Variants in FBXO11 observed in about 807,000 individuals in gnomAD.
The protein encoded by FBXO11 is F-box protein 11.
A neutral mutation model predicts 117.0 loss-of-function variants in FBXO11; 13 were observed. The ratio of observed to expected loss-of-function variants is 0.11; its 90% CI spans 0.07 to 0.18. The LOEUF is 0.18. Among genes scored for constraint, FBXO11 ranks in the 10% least tolerant of loss-of-function variants. The pLI, the probability that FBXO11 is intolerant of heterozygous loss-of-function variation, is 1.00. For missense variants in FBXO11, 767 were observed against 1,164.4 expected (o/e 0.66, Z 4.97); for synonymous variants, 490 against 380.5 (o/e 1.29, Z -3.35).
intron 1 of FBXO11, among the ~76,000 whole-genome samples, chr2:47,863,048 T>A (rs1210675299): frequency 7.2e-6 from 1 of 139,592 alleles, no homozygotes; most frequent in African/African-American, 2.7e-5. Flanking sequence ...AGCGTAAAAC[T>A]GTGTCTCAAA....
intron 1 of FBXO11, among the ~76,000 whole-genome samples, chr2:47,861,378 G>A (rs780872125): frequency 6.0e-5 from 9 of 150,470 alleles, no homozygotes; most frequent in African/African-American, 9.8e-5. Flanking sequence ...AAGTGCAGTG[G>A]CACAATCATG....
At chr2:47,843,755 T>TC (rs1673195012) in intron 1 of FBXO11, among the ~76,000 whole-genome samples, 1 of 151,982 alleles carries the variant, frequency 6.6e-6, no homozygotes, top group African/African-American at 2.4e-5. Context: ...TTCTTCTTCT[T>TC]TTTTGAGATG....
chr2:47,811,711 G>A (rs1670625726), intron 18 of FBXO11: 1 of 152,128 alleles, frequency 6.6e-6, no homozygotes, highest in South Asian at 2.1e-4. Context: ...TCAGAATCCT[G>A]AGCACCCATC....
At chr2:47,823,082 T>C in intron 12 of FBXO11, 61 bp downstream of exon 12, 3 of 1,242,322 alleles carry the variant, frequency 2.4e-6, no homozygotes, top group Non-Finnish European at 3.4e-6. Context: ...CTCAATATCT[T>C]GACTTTTAAG....
rs558264693 is a variant in FBXO11, at chr2:47,822,285, A to G, written c.1635T>C (p.Asn545=). 8.2e-6 allele frequency: 13 copies of G among 1,588,184 alleles called. No individual in the cohort carries two copies. Among genetic ancestry groups the G allele is most frequent in the East Asian group, 2.2e-5 (1 of 44,534 alleles). ...AGATGTAAACTCCTCCTTGATTTCC[A>G]TTAAATATAGAATTTCCCCTATAAT... ...DPTIRGNSIF[N]GNQGGVYIFG... Residue 545 remains asparagine (N), a synonymous_variant, in exon 13 of 23, where the codon AAT becomes AAC. Transcript: ENST00000403359.
chr2:47,904,634 G>A (rs2104123021), intron 1 of FBXO11, among the ~76,000 whole-genome samples: 1 of 150,766 alleles, frequency 6.6e-6, no homozygotes, highest in East Asian at 2.0e-4. Context: ...AATATCCCAA[G>A]GGGCCAGTTC....
intron 1 of FBXO11, among the ~76,000 whole-genome samples, chr2:47,894,061 G>C (rs1411791262): frequency 2.0e-5 from 3 of 152,160 alleles, no homozygotes. Context: ...CAATCAAGTA[G>C]TTCCTGATGA....
Position 47,827,376 on chromosome 2 carries a change from G to A in FBXO11, c.1399-4016C>T, listed in dbSNP as rs568783154. On this transcript the variant is annotated intron_variant, in intron 11 of 22. Transcript: ENST00000403359. ...GGCTGGAGCGCAGTGGCGCACTTTC[G>A]GCTCACTGCAACCTCTACCTCCTGG... Among the ~76,000 whole-genome samples the A allele has an allele frequency of 1.9e-4, 29 of 152,232 alleles. 1 individual carries two copies. The South Asian group carries it at 4.4e-3, about 23-fold the overall frequency.
chr2:47,904,038 C>T (rs1056595349), intron 1 of FBXO11, among the ~76,000 whole-genome samples: 3 of 152,206 alleles, frequency 2.0e-5, no homozygotes, highest in Non-Finnish European at 4.4e-5. Flanking sequence ...CTAAGACTAC[C>T]TTTAACAGTG....
chr2:47,806,935 C>CTTTAT lies in FBXO11; in HGVS notation c.*1178_*1182dup, dbSNP rs1398708138. 1 of 1,133,820 alleles carries CTTTAT rather than the reference C, an allele frequency of 8.8e-7. No homozygotes were observed. The highest frequency in any genetic ancestry group is 1.3e-6 in the Non-Finnish European group (1 of 760,858). 70.2% of individuals were successfully genotyped at this position (1,133,820 alleles called of 1,614,324 possible). Reference sequence around the variant, plus strand: ...TCAGACAACATTATGATCTAATAAACTTTATTTTTTAAAAATGACCATTTT... The same window carrying CTTTAT: ...TCAGACAACATTATGATCTAATAAACTTTATTTTATTTTTTAAAAATGACCATTTT... On this transcript the variant is annotated 3_prime_UTR_variant, in exon 23 of 23. Transcript: ENST00000403359.
intron 16 of FBXO11, among the ~76,000 whole-genome samples, chr2:47,815,946 A>T (rs1670975021): frequency 6.6e-6 from 1 of 152,188 alleles, no homozygotes; most frequent in Non-Finnish European, 1.5e-5. Context: ...TGCATGGCCC[A>T]CGCTGGCCTC....
rs565035226 is a variant in FBXO11, at chr2:47,835,939, T to C, written c.650A>G (p.Lys217Arg). 6.2e-7 allele frequency: 1 copy of C among 1,611,812 alleles called. No homozygotes were observed. The highest frequency in any genetic ancestry group is 1.7e-5 in the Admixed American group (1 of 59,998). Residue 217 changes from lysine (K) to arginine (R), a missense_variant, in exon 5 of 23, where the codon AAA (lysine) becomes AGA (arginine). This residue lies in a region of FBXO11 where 355 missense variants were observed against 299.8 expected (regional missense o/e 1.18). Coordinates refer to ENST00000403359, the MANE Select transcript of FBXO11 (RefSeq NM_001190274.2). The part of the protein sequence containing the change: ...TRPMMHPEPG[K>R]FYQINPEEYE... Reference sequence around the variant, plus strand: ...CTCTTCTGGATTAATCTGGTAGAATTTTCCAGGTTCAGGATGCATCATAGG... The same window carrying C: ...CTCTTCTGGATTAATCTGGTAGAATCTTCCAGGTTCAGGATGCATCATAGG...
Position 47,813,667 on chromosome 2 carries a change from G to C in FBXO11, c.2083+124C>G, listed in dbSNP as rs556327304. 8 of 713,302 alleles carry C rather than the reference G, an allele frequency of 1.1e-5. 1 individual carries two copies. The highest frequency in any genetic ancestry group is 9.0e-5 in the African/African-American group (5 of 55,754). The allele number at this position is 713,302 out of a possible 1,614,324, so 44.2% of individuals were successfully genotyped here. ...AGGCTGGTCTTAAACTCCTGACCTC[G>C]GGTGATCCACCCATCTCGGCCTCCC... is the stretch of plus-strand genomic sequence containing the variant. On this transcript the variant is annotated intron_variant, in intron 17 of 22. Coordinates refer to ENST00000403359, the MANE Select transcript of FBXO11 (RefSeq NM_001190274.2).
intron 1 of FBXO11, among the ~76,000 whole-genome samples, chr2:47,851,989 AT>A (rs1191001581): frequency 0.036 from 4,753 of 132,798 alleles, 131 homozygotes; most frequent in African/African-American, 0.11. Flanking sequence ...CAAGCAACCA[AT>A]TTTTTTTTTT....
chr2:47,898,826 G>A (rs775525119), intron 1 of FBXO11, among the ~76,000 whole-genome samples: 7 of 151,994 alleles, frequency 4.6e-5, no homozygotes, highest in Non-Finnish European at 7.4e-5. Context: ...TCTGCCAAAT[G>A]TATTTTGGTA....
Position 47,881,169 on chromosome 2 carries a change from T to C in FBXO11, c.232+24320A>G, listed in dbSNP as rs556680159. 8.0e-3 allele frequency among the ~76,000 whole-genome samples: 1,217 copies of C among 152,188 alleles called. 21 individuals are homozygous for C. Among genetic ancestry groups the C allele is most frequent in the African/African-American group, 0.028 (1,148 of 41,524 alleles). On this transcript the variant is annotated intron_variant, in intron 1 of 22. Transcript: ENST00000403359. ...TGGGAGGCTGACGCAGTAGAATCACTTGAACCCGGGAGTCGGAGGTTGCAG... is the reference window on the plus strand; with the variant it reads ...TGGGAGGCTGACGCAGTAGAATCACCTGAACCCGGGAGTCGGAGGTTGCAG...
intron 1 of FBXO11, among the ~76,000 whole-genome samples, chr2:47,879,098 G>A (rs979278121): frequency 2.0e-5 from 3 of 152,082 alleles, no homozygotes; most frequent in African/African-American, 7.2e-5. Flanking sequence ...AAAAAAATAT[G>A]AATATAAATT....
chr2:47,816,401 G>C (rs184764381), intron 16 of FBXO11, among the ~76,000 whole-genome samples: 9 of 152,132 alleles, frequency 5.9e-5, no homozygotes, highest in African/African-American at 9.6e-5. Context: ...GGCTGATCTT[G>C]AACTCCTGGC....
chr2:47,888,312 A>C (rs575064426), intron 1 of FBXO11, among the ~76,000 whole-genome samples: 2 of 152,236 alleles, frequency 1.3e-5, no homozygotes, highest in Non-Finnish European at 1.5e-5. Flanking sequence ...TCTAAATCCA[A>C]ACATCACTCT....
Sources: allele counts gnomAD v4.1 joint callset (sites outside exome capture counted in the v4.1 genomes callset), GRCh38; gene constraint gnomAD v4.1.1; regional missense constraint gnomAD v4.1.1; transcripts MANE v1.5; gene names NCBI Gene and HGNC (gene_info 2026-07-23, HGNC 2026-07-21).